The following RNF182 variants were observed in gnomAD, a reference collection of about 807,000 sequenced individuals.
RNF182 encodes the protein E3 ubiquitin-protein ligase RNF182.
A neutral mutation model predicts 14.4 loss-of-function variants in RNF182; 15 were observed. The ratio of observed to expected loss-of-function variants is 1.04; its 90% confidence interval spans 0.70 to 1.60. RNF182 has a LOEUF of 1.60. Ranked by LOEUF, RNF182 falls within the 40% of genes most tolerant of loss-of-function variation. The probability of loss-of-function intolerance (pLI) is 0.00; values close to 1 mark genes in which losing one functional copy is unlikely to be tolerated. For missense variants in RNF182, 268 were observed against 294.8 expected (o/e 0.91, Z 0.67); for synonymous variants, 128 against 122.9 (o/e 1.04, Z -0.27).
chr6:13,939,355 T>G (rs1442201364), intron 1 of RNF182, among the ~76,000 whole-genome samples: 1 of 152,088 alleles, frequency 6.6e-6, no homozygotes. Context: ...AGCTCTCCAT[T>G]TAATTATGTT....
chr6:13,931,730 A>G (rs1301828737), intron 1 of RNF182, among the ~76,000 whole-genome samples: 1 of 151,792 alleles, frequency 6.6e-6, no homozygotes, highest in Non-Finnish European at 1.5e-5. Context: ...CCTTTTAGTG[A>G]TACGACCTTG....
At chr6:13,934,501 T>G (rs1429729988) in intron 1 of RNF182, among the ~76,000 whole-genome samples, 2 of 152,268 alleles carry the variant, frequency 1.3e-5, no homozygotes, top group Admixed American at 6.5e-5. Flanking sequence ...TCGCCTATTT[T>G]TCTGAGTGAC....
chr6:13,958,065 T>A (rs1273128070), intron 1 of RNF182, among the ~76,000 whole-genome samples: 1 of 152,100 alleles, frequency 6.6e-6, no homozygotes, highest in Non-Finnish European at 1.5e-5. Context: ...ATGTTTTTTT[T>A]AATGTTTATA....
intron 1 of RNF182, chr6:13,949,011 TCTA>T (rs886363510): frequency 3.2e-5 from 15 of 463,198 alleles, no homozygotes; most frequent in Non-Finnish European, 5.5e-5. Flanking sequence ...ACGGACAAAA[TCTA>T]CTCACTCCTA....
chr6:13,946,425 A>G (rs1759443818), intron 1 of RNF182, among the ~76,000 whole-genome samples: 1 of 152,106 alleles, frequency 6.6e-6, no homozygotes, highest in African/African-American at 2.4e-5. Context: ...TTGGCCTCCC[A>G]AAGTGTTGGG....
intron 1 of RNF182, among the ~76,000 whole-genome samples, chr6:13,958,721 G>C (rs766321309): frequency 6.6e-6 from 1 of 152,172 alleles, no homozygotes; most frequent in Non-Finnish European, 1.5e-5. Context: ...CTTGAAGTTT[G>C]TTGAAGGAAG....
chr6:13,938,202 A>G (rs1759190663), intron 1 of RNF182, among the ~76,000 whole-genome samples: 1 of 116,396 alleles, frequency 8.6e-6, no homozygotes, highest in Non-Finnish European at 1.7e-5. Flanking sequence ...TTTTTTTAGT[A>G]GAGACGGGGT....
At chr6:13,926,793 T>TG (rs1561772743) in intron 1 of RNF182, among the ~76,000 whole-genome samples, 31 of 129,242 alleles carry the variant, frequency 2.4e-4, no homozygotes, top group Admixed American at 7.0e-4. Context: ...GTGTGTGTGT[T>TG]TTTTTTTTTT....
intron 1 of RNF182, among the ~76,000 whole-genome samples, chr6:13,972,659 A>G (rs949519050): frequency 6.6e-6 from 1 of 152,232 alleles, no homozygotes; most frequent in Non-Finnish European, 1.5e-5. Flanking sequence ...CAGAGGGTGC[A>G]AGCCCCAAAC....
chr6:13,945,031 G>A (rs573419224), intron 1 of RNF182, among the ~76,000 whole-genome samples: 1 of 152,288 alleles, frequency 6.6e-6, no homozygotes, highest in East Asian at 1.9e-4. Flanking sequence ...TGTTACTAGA[G>A]ATTTGCTTTC....
Position 13,968,038 on chromosome 6 carries a change from T to C in RNF182, c.-366-6172T>C, listed in dbSNP as rs572208912. Among the ~76,000 whole-genome samples the C allele has an allele frequency of 4.0e-5, 6 of 151,890 alleles. No individual in the cohort carries two copies. The East Asian group carries it at 1.2e-3, about 29-fold the overall frequency. ...TAAGCATAAAGACAAAGTGTACTCTTAGTATGAATTGGGAAAAAAATCATA... is the reference window on the plus strand; with the variant it reads ...TAAGCATAAAGACAAAGTGTACTCTCAGTATGAATTGGGAAAAAAATCATA... On this transcript the variant is annotated intron_variant, in intron 1 of 2. Coordinates refer to ENST00000488300, the MANE Select transcript of RNF182 (RefSeq NM_152737.4).
At chr6:13,955,674 C>T (rs1259340157) in intron 1 of RNF182, among the ~76,000 whole-genome samples, 1 of 152,180 alleles carries the variant, frequency 6.6e-6, no homozygotes, top group Non-Finnish European at 1.5e-5. Flanking sequence ...AGAATGTTTC[C>T]ATGTCTCAGT....
chr6:13,965,022 C>T (rs1043459429), intron 1 of RNF182, among the ~76,000 whole-genome samples: 1 of 152,176 alleles, frequency 6.6e-6, no homozygotes, highest in Non-Finnish European at 1.5e-5. Flanking sequence ...AAAATATTGG[C>T]ACTGTAGCCA....
intron 1 of RNF182, among the ~76,000 whole-genome samples, chr6:13,945,092 A>G (rs1360237542): frequency 6.6e-6 from 1 of 152,168 alleles, no homozygotes; most frequent in Non-Finnish European, 1.5e-5. Flanking sequence ...TAACACCCCA[A>G]TACATGTGGA....
At chr6:13,945,492 C>T (rs183643262) in intron 1 of RNF182, among the ~76,000 whole-genome samples, 8 of 152,258 alleles carry the variant, frequency 5.3e-5, no homozygotes, top group African/African-American at 1.9e-4. Flanking sequence ...ACACTTCTGT[C>T]TGAAGTGTTT....
At chr6:13,960,268 T>G (rs572565724) in intron 1 of RNF182, among the ~76,000 whole-genome samples, 6 of 152,300 alleles carry the variant, frequency 3.9e-5, no homozygotes, top group Non-Finnish European at 7.4e-5. Flanking sequence ...TTAATAGATA[T>G]TAAGTAAATG....
chr6:13,959,998 G>A (rs1484499915), intron 1 of RNF182, among the ~76,000 whole-genome samples: 1 of 151,822 alleles, frequency 6.6e-6, no homozygotes, highest in Non-Finnish European at 1.5e-5. Flanking sequence ...CTAGAGATTT[G>A]ATAGAAGAGG....
intron 1 of RNF182, among the ~76,000 whole-genome samples, chr6:13,942,991 G>C (rs952333485): frequency 1.6e-4 from 25 of 152,182 alleles, no homozygotes; most frequent in African/African-American, 6.0e-4. Flanking sequence ...TCTGCAACCA[G>C]AGAAAGAAAA....
In RNF182 at chr6:13,978,411, C is replaced by G. The variant is rs1000984328; in HGVS notation, c.*548C>G. 6.1e-6 allele frequency: 1 copy of G among 164,776 alleles called. No homozygotes were observed. Among genetic ancestry groups the G allele is most frequent in the African/African-American group, 2.4e-5 (1 of 41,410 alleles). The allele number at this position is 164,776 out of a possible 1,614,324, so 10.2% of individuals were successfully genotyped here. ...CCCATTCTCCCTTGCCAAGAGGAAA[C>G]TCGGTTCCATTCCCTTGGGTAGTTT... On this transcript the variant is annotated 3_prime_UTR_variant, in exon 3 of 3. Transcript: ENST00000488300.
Sources: gnomAD v4.1 joint callset for allele counts (sites outside exome capture counted in the v4.1 genomes callset) on GRCh38, gnomAD v4.1.1 for gene constraint, MANE v1.5 for transcripts, NCBI Gene and HGNC (gene_info 2026-07-23, HGNC 2026-07-21) for gene names.